ERRFI1: variants seen among roughly 807,000 people sequenced by gnomAD.
The protein encoded by ERRFI1 is ERBB receptor feedback inhibitor 1.
Under a neutral mutation model 14.6 loss-of-function variants are expected in ERRFI1, and 12 were observed. The ratio of observed to expected loss-of-function variants is 0.82; its 90% CI spans 0.53 to 1.33. The LOEUF is 1.33. Among genes scored for constraint, ERRFI1 ranks in the 40% most tolerant of loss-of-function variants. ERRFI1 has a pLI of 0.00. For synonymous variants in ERRFI1, 202 were observed against 209.9 expected, an observed-to-expected ratio of 0.96 and a Z score of 0.32; for missense variants, 482 against 572.1, an observed-to-expected ratio of 0.84 and a Z score of 1.61.
In ERRFI1 at chr1:8,013,177, T is replaced by A; in HGVS notation, c.*33A>T. 1.3e-6 allele frequency: 2 copies of A among 1,538,714 alleles called. No homozygotes were observed. The highest frequency in any genetic ancestry group is 1.8e-6 in the Non-Finnish European group (2 of 1,141,012). On this transcript the variant is annotated 3_prime_UTR_variant, in exon 4 of 4. Coordinates refer to ENST00000377482, the MANE Select transcript of ERRFI1 (RefSeq NM_018948.4). The surrounding 1 kb of genome is among the most constrained non-coding windows in gnomAD (Gnocchi z 4.3). ...TGGAAAATTGAGAACCATTTGCTCC[T>A]ATGTAACCTCTGCTGAACCATGACC...
chr1:8,015,866 T>C (rs1197661696), intron 1 of ERRFI1, among the ~76,000 whole-genome samples, 174 bp from the exon 2 acceptor site: 1 of 152,216 alleles, frequency 6.6e-6, no homozygotes, highest in African/African-American at 2.4e-5. Flanking sequence ...ATGTAAACAC[T>C]AAAAATGATT....
intron 1 of ERRFI1, among the ~76,000 whole-genome samples, chr1:8,025,612 T>A (rs75083672): frequency 6.6e-6 from 1 of 151,898 alleles, no homozygotes; most frequent in African/African-American, 2.4e-5. Context: ...CAAGACAGGA[T>A]TTACGGGTAC....
At position 8,015,641 on chromosome 1, in the gene ERRFI1, T is replaced by C. The variant is rs764447700; in HGVS notation, c.-22A>G. The C allele has an allele frequency of 6.2e-7, 1 of 1,613,736 alleles. No homozygotes were observed. The highest frequency in any genetic ancestry group is 8.5e-7 in the Non-Finnish European group (1 of 1,179,828). ...ACATTGTGCCTTATTCTGGGACATC[T>C]CCAAACCTGTGAGGCCCAGGCACTT... On this transcript the variant is annotated 5_prime_UTR_variant, in exon 2 of 4. Transcript: ENST00000377482.
At chr1:8,017,868 G>A (rs1448367410) in intron 1 of ERRFI1, among the ~76,000 whole-genome samples, 1 of 152,128 alleles carries the variant, frequency 6.6e-6, no homozygotes, top group African/African-American at 2.4e-5. Flanking sequence ...TGTAACTATC[G>A]CCTCTGCAGA....
rs971892363 is a variant in ERRFI1, at chr1:8,012,430, G to T, written c.*780C>A. 4 of 230,576 alleles carry T rather than the reference G, an allele frequency of 1.7e-5. No individual in the cohort carries two copies. Among genetic ancestry groups the T allele is most frequent in the Non-Finnish European group, 2.6e-5 (3 of 116,066 alleles). The allele number at this position is 230,576 out of a possible 1,614,324, so 14.3% of individuals were successfully genotyped here. A position where few individuals can be genotyped will look rare whatever the true frequency, so the allele number is the denominator to read the frequency against. On this transcript the variant is annotated 3_prime_UTR_variant, in exon 4 of 4. Coordinates refer to ENST00000377482, the MANE Select transcript of ERRFI1 (RefSeq NM_018948.4). The stretch of plus-strand genomic sequence containing the variant: ...CCTCTAATACGGCCCGCACTACGAT[G>T]AGCTACTTCAGTGGGTGGGACCAAG...
At chr1:8,017,714 C>T (rs1038216165) in intron 1 of ERRFI1, among the ~76,000 whole-genome samples, 6 of 152,126 alleles carry the variant, frequency 3.9e-5, no homozygotes, top group South Asian at 2.1e-4. Context: ...GTTTGAAGAT[C>T]GCTCATCCAG....
Position 8,013,537 on chromosome 1 carries a change from A to G in ERRFI1, c.1062T>C (p.Pro354=), listed in dbSNP as rs775116753. The change falls in exon 4 of 4, where the codon CCT becomes CCC. Residue 354 remains proline (P), a synonymous_variant. Transcript: ENST00000377482. This position sits in a 1 kb window ranked among gnomAD's most constrained non-coding sequence, Gnocchi z 4.3. ...CTTTGCTGCTGACATACTTGGGATCAGGGGCAAAGCTCTGTGTCGGGGGCA... is the reference window on the plus strand; with the variant it reads ...CTTTGCTGCTGACATACTTGGGATCGGGGGCAAAGCTCTGTGTCGGGGGCA... ...GVMPPTQSFA[P]DPKYVSSKAL... The G allele has an allele frequency of 1.1e-5, 17 of 1,613,998 alleles. No individual in the cohort carries two copies. The highest frequency in any genetic ancestry group is 1.4e-5 in the Non-Finnish European group (16 of 1,180,030).
At chr1:8,019,250 G>C (rs1187052702) in intron 1 of ERRFI1, among the ~76,000 whole-genome samples, 1 of 152,164 alleles carries the variant, frequency 6.6e-6, no homozygotes, top group East Asian at 1.9e-4. Flanking sequence ...ACCTTCAAAG[G>C]CTCCTAAATA....
In ERRFI1 at chr1:8,013,978, G is replaced by C. The variant is rs780200113; in HGVS notation, c.621C>G (p.Ile207Met). The change falls in exon 4 of 4, where the codon ATC becomes ATG. Residue 207 changes from isoleucine to methionine, a missense_variant. Physicochemically the swap from Ile to Met is conservative, Grantham distance 10. Coordinates refer to ENST00000377482, the MANE Select transcript of ERRFI1 (RefSeq NM_018948.4). The surrounding 1 kb of genome is among the most constrained non-coding windows in gnomAD (Gnocchi z 4.3). ...CTGGGGTATCAAAATATGCATAGTT[G>C]ATTTGTCCACACCCACGGAAGCTTC... ...GRRSFRGCGQ[I>M]NYAYFDTPAV... The C allele has an allele frequency of 2.5e-6, 4 of 1,614,032 alleles. No homozygotes were observed. In the East Asian group the frequency reaches 8.9e-5, roughly 36 times the overall value.
At chr1:8,025,056 C>T (rs1004067294) in intron 1 of ERRFI1, among the ~76,000 whole-genome samples, 1 of 152,130 alleles carries the variant, frequency 6.6e-6, no homozygotes, top group African/African-American at 2.4e-5. Context: ...GCATTTTAAC[C>T]TCACCTTTCT....
intron 1 of ERRFI1, among the ~76,000 whole-genome samples, 151 bp from the exon 2 acceptor site, chr1:8,015,843 T>C (rs1479720831): frequency 6.6e-6 from 1 of 152,226 alleles, no homozygotes; most frequent in African/African-American, 2.4e-5. Flanking sequence ...TCACAGCTCG[T>C]GAGGGTACTT....
At chr1:8,014,973 T>A (rs1380839894) in intron 3 of ERRFI1, 1 of 272,714 alleles carries the variant, frequency 3.7e-6, no homozygotes, top group African/African-American at 2.2e-5. Flanking sequence ...CAAACATGCA[T>A]TCGATACTAG....
At position 8,013,713 on chromosome 1, in the gene ERRFI1, G is replaced by A; in HGVS notation, c.886C>T (p.Pro296Ser). 1.2e-6 allele frequency: 2 copies of A among 1,614,154 alleles called. No individual in the cohort carries two copies. Among genetic ancestry groups the A allele is most frequent in the South Asian group, 1.1e-5 (1 of 91,086 alleles). Residue 296 changes from proline (P) to serine (S), a missense_variant, in exon 4 of 4, where the codon CCA becomes TCA. Transcript: ENST00000377482. This position sits in a 1 kb window ranked among gnomAD's most constrained non-coding sequence, Gnocchi z 4.3. ...TCTGCTGACCATCTTCTATAATCTG[G>A]CTTTACTGGTCTAGGAGGTATGGGA... Reference protein sequence around the residue: ...RVPIPPRPVKPDYRRWSAEVT... With the variant: ...RVPIPPRPVKSDYRRWSAEVT...
At chr1:8,014,720 T>G in intron 3 of ERRFI1, 1 of 301,408 alleles carries the variant, frequency 3.3e-6, no homozygotes. Flanking sequence ...TTTACATGAA[T>G]ACCATACTGT....
In ERRFI1 at chr1:8,015,547, C is replaced by T; in HGVS notation, c.73G>A (p.Ala25Thr). Residue 25 changes from alanine (A) to threonine (T), a missense_variant, in exon 2 of 4, where the codon GCC becomes ACC. Ala to Thr is a moderately conservative substitution (Grantham distance 58). Coordinates refer to ENST00000377482, the MANE Select transcript of ERRFI1 (RefSeq NM_018948.4). The stretch of plus-strand genomic sequence containing the variant: ...TAGGTCTTCCTCATATTCCCCATGG[C>T]TCGGCCATTATGTAGAAATCCAGTT... The part of the protein sequence containing the change: ...LKTGFLHNGR[A>T]MGNMRKTYWS... 1 of 1,614,162 alleles carries T rather than the reference C, an allele frequency of 6.2e-7. No homozygotes were observed. The highest frequency in any genetic ancestry group is 8.5e-7 in the Non-Finnish European group (1 of 1,180,012).
Position 8,013,058 on chromosome 1 carries a change from T to C in ERRFI1, c.*152A>G. 1.5e-6 allele frequency: 1 copy of C among 677,480 alleles called. No individual in the cohort carries two copies. The highest frequency in any genetic ancestry group is 2.5e-6 in the Non-Finnish European group (1 of 407,550). The allele number at this position is 677,480 out of a possible 1,614,324, so 42.0% of individuals were successfully genotyped here. ...GTCAGGGTTTCTCAGCATAACAGCATCTCACAACTGCTCTAAACCTTCCAC... is the reference window on the plus strand; with the variant it reads ...GTCAGGGTTTCTCAGCATAACAGCACCTCACAACTGCTCTAAACCTTCCAC... On this transcript the variant is annotated 3_prime_UTR_variant, in exon 4 of 4. Transcript: ENST00000377482. This position sits in a 1 kb window ranked among gnomAD's most constrained non-coding sequence, Gnocchi z 4.3.
intron 1 of ERRFI1, among the ~76,000 whole-genome samples, chr1:8,017,961 T>C (rs1480641264): frequency 6.6e-6 from 1 of 152,230 alleles, no homozygotes; most frequent in Non-Finnish European, 1.5e-5. Context: ...TTTTTATTCA[T>C]TGTTTCCATC....
chr1:8,026,229 C>G lies in ERRFI1; in HGVS notation c.-145G>C, dbSNP rs941744828. ...GTCCCGGCTGGCTCAGCGCCGCGGG[C>G]TCAGGGGCCCGGACATCGCGCAGGC... On this transcript the variant is annotated 5_prime_UTR_variant, in exon 1 of 4. Transcript: ENST00000377482. The G allele has an allele frequency of 6.6e-6, 1 of 152,112 alleles. No individual in the cohort carries two copies. Among genetic ancestry groups the G allele is most frequent in the Admixed American group, 6.6e-5 (1 of 15,262 alleles). 9.4% of individuals were successfully genotyped at this position (152,112 alleles called of 1,614,324 possible).
Position 8,013,928 on chromosome 1 carries a change from T to C in ERRFI1, c.671A>G (p.Tyr224Cys), listed in dbSNP as rs752149589. 9.9e-6 allele frequency: 16 copies of C among 1,614,054 alleles called. No homozygotes were observed. Among genetic ancestry groups the C allele is most frequent in the Middle Eastern group, 1.6e-4 (1 of 6,084 alleles). ...TPAVSAADLS[Y>C]VSDQNGGVPD... is the part of the protein sequence containing the mutation. ...GACACCTCCATTTTGGTCAGACACA[T>C]AGCTGAGATCTGCTGCAGAAACAGC... The change falls in exon 4 of 4, where the codon TAT becomes TGT. Residue 224 changes from tyrosine to cysteine, a missense_variant. Physicochemically the swap from Tyr to Cys is radical, Grantham distance 194. Transcript: ENST00000377482. This position sits in a 1 kb window ranked among gnomAD's most constrained non-coding sequence, Gnocchi z 4.3.
Sources: gnomAD v4.1 joint callset for allele counts (sites outside exome capture counted in the v4.1 genomes callset) on GRCh38, gnomAD v4.1.1 for gene constraint, Gnocchi (gnomAD v3.1) non-coding constraint, MANE v1.5 for transcripts, NCBI Gene and HGNC (gene_info 2026-07-23, HGNC 2026-07-21) for gene names.